Variants in CDH23 observed in about 807,000 individuals in gnomAD.
CDH23 encodes the protein cadherin related 23.
A neutral mutation model predicts 317.1 loss-of-function variants in CDH23; 189 were observed. The ratio of observed to expected loss-of-function variants is 0.60; its 90% CI spans 0.53 to 0.67. The LOEUF (loss-of-function observed/expected upper bound fraction) is 0.67. Ranked by LOEUF, CDH23 falls within the 30% of genes least tolerant of loss-of-function variation. The probability of loss-of-function intolerance (pLI) is 0.00; values close to 1 mark genes in which losing one functional copy is unlikely to be tolerated. For synonymous variants in CDH23, 1,839 were observed against 1,876.8 expected (o/e 0.98, Z 0.52); for missense variants, 4,401 against 4,592.4 (o/e 0.96, Z 1.20).
At chr10:71,417,628 G>A (rs1303326835) in intron 1 of CDH23, among the ~76,000 whole-genome samples, 1 of 151,516 alleles carries the variant, frequency 6.6e-6, no homozygotes, top group African/African-American at 2.4e-5. Flanking sequence ...CTTTTTCTTT[G>A]AGACAAGTTC....
intron 3 of CDH23, among the ~76,000 whole-genome samples, chr10:71,458,562 A>G (rs2132054001): frequency 6.6e-6 from 1 of 152,300 alleles, no homozygotes; most frequent in South Asian, 2.1e-4. Context: ...CATTGTTTTT[A>G]TTGAGCAATT....
intron 38 of CDH23, among the ~76,000 whole-genome samples, chr10:71,770,706 G>A (rs1840665669): frequency 6.6e-6 from 1 of 152,202 alleles, no homozygotes. Flanking sequence ...TACACTGTGT[G>A]CGGATAGGGA....
At chr10:71,757,824 C>T (rs1304626097) in intron 38 of CDH23, among the ~76,000 whole-genome samples, 1 of 152,180 alleles carries the variant, frequency 6.6e-6, no homozygotes, top group Non-Finnish European at 1.5e-5. Flanking sequence ...GCAGACAGCA[C>T]ATTCTGCTGC....
intron 8 of CDH23, among the ~76,000 whole-genome samples, chr10:71,571,295 G>A (rs552113189): frequency 3.2e-4 from 49 of 152,348 alleles, no homozygotes; most frequent in Admixed American, 8.5e-4. Flanking sequence ...TGTCTCTGCC[G>A]TGTCAGTCTG....
intron 37 of CDH23, among the ~76,000 whole-genome samples, chr10:71,741,383 T>A (rs1056971549): frequency 2.6e-5 from 4 of 152,276 alleles, no homozygotes; most frequent in African/African-American, 9.6e-5. Flanking sequence ...GCCCACTGAT[T>A]GGCTGTGTGG....
chr10:71,773,417 TCCAGGGCCGTGGGGACGC>T (rs1840735234), intron 38 of CDH23: 1 of 1,606,112 alleles, frequency 6.2e-7, no homozygotes, highest in African/African-American at 1.3e-5. Flanking sequence ...GCTGCCGGCC[TCCAGGGCCGTGGGGACGC>T]CCATGTCGCC....
At chr10:71,701,908 G>C (rs2132730732) in intron 22 of CDH23, 114 bp from the exon 23 acceptor site, 1 of 1,136,282 alleles carries the variant, frequency 8.8e-7, no homozygotes, top group African/African-American at 1.5e-5. Context: ...TCCTGGGCCA[G>C]AGCCAGGATG....
chr10:71,803,206 C>G lies in CDH23; in HGVS notation c.7661-3C>G. 6.2e-7 allele frequency: 1 copy of G among 1,607,926 alleles called. No homozygotes were observed. Among genetic ancestry groups the G allele is most frequent in the Non-Finnish European group, 8.5e-7 (1 of 1,176,770 alleles). ...AGAGCTACTCTCCTGCTCCCACTGC[C>G]AGAGGCCTTCCATGTGGACATGGAC... is the stretch of plus-strand genomic sequence containing the variant. On this transcript the variant is annotated splice_polypyrimidine_tract_variant and splice_region_variant and intron_variant, in intron 54 of 69. Coordinates refer to ENST00000224721, the MANE Select transcript of CDH23 (RefSeq NM_022124.6).
intron 17 of CDH23, among the ~76,000 whole-genome samples, chr10:71,680,372 T>A (rs1436002953): frequency 6.6e-6 from 1 of 152,242 alleles, no homozygotes; most frequent in African/African-American, 2.4e-5. Flanking sequence ...AAGGAATCGA[T>A]GTGCGTTGAG....
chr10:71,653,064 C>T (rs1162646567), intron 14 of CDH23, among the ~76,000 whole-genome samples: 1 of 152,144 alleles, frequency 6.6e-6, no homozygotes, highest in African/African-American at 2.4e-5. Context: ...TCTCAGCTCC[C>T]ATCTGGAAGT....
chr10:71,678,814 A>G (rs1193774649), intron 16 of CDH23, among the ~76,000 whole-genome samples: 2 of 152,022 alleles, frequency 1.3e-5, no homozygotes, highest in East Asian at 1.9e-4. Flanking sequence ...CTTTCATGCA[A>G]CATGCATGGA....
intron 11 of CDH23, among the ~76,000 whole-genome samples, chr10:71,623,876 C>T (rs1861584447): frequency 6.6e-6 from 1 of 152,114 alleles, no homozygotes; most frequent in Non-Finnish European, 1.5e-5. Flanking sequence ...CTTCCACTAC[C>T]ACACCTACCC....
Position 71,785,062 on chromosome 10 carries a change from G to A in CDH23, c.5674G>A (p.Ala1892Thr), listed in dbSNP as rs727505054. ...CNARLTFNIT[A>T]GNRERAFFIN... Reference sequence around the variant, plus strand: ...TGCACGCCTCACCTTCAACATCACTGCGGGCAACCGCGAGCGGGCCTTCTT... The same window carrying A: ...TGCACGCCTCACCTTCAACATCACTACGGGCAACCGCGAGCGGGCCTTCTT... Residue 1892 changes from alanine to threonine, a missense_variant, in exon 43 of 70, where the codon GCG (alanine) becomes ACG (threonine). Physicochemically the swap from Ala to Thr is moderately conservative, Grantham distance 58. Transcript: ENST00000224721. 2 of 1,614,090 alleles carry A rather than the reference G, an allele frequency of 1.2e-6. No individual in the cohort carries two copies. Among genetic ancestry groups the A allele is most frequent in the Non-Finnish European group, 1.7e-6 (2 of 1,179,906 alleles).
At chr10:71,732,943 A>C (rs1336464469) in intron 32 of CDH23, among the ~76,000 whole-genome samples, 4 of 152,032 alleles carry the variant, frequency 2.6e-5, no homozygotes, top group Non-Finnish European at 5.9e-5. Context: ...TCCCTCCCAC[A>C]CACCACGCAA....
chr10:71,756,162 T>C (rs1429872915), intron 38 of CDH23, among the ~76,000 whole-genome samples: 1 of 152,068 alleles, frequency 6.6e-6, no homozygotes, highest in Admixed American at 6.5e-5. Context: ...CCAAAAAAAG[T>C]ACAAGTTTAA....
Position 71,776,901 on chromosome 10 carries a change from G to A in CDH23, c.4846-779G>A, listed in dbSNP as rs183778060. ...CAGGGTAAGGCAGTTAGTCCACAGG[G>A]GACATCTTCCCAGGTGGAGAAAGGC... On this transcript the variant is annotated intron_variant, in intron 38 of 69. Transcript: ENST00000224721. 1.5e-3 allele frequency among the ~76,000 whole-genome samples: 228 copies of A among 152,354 alleles called. 1 individual carries two copies. The highest frequency in any genetic ancestry group is 5.3e-3 in the African/African-American group (222 of 41,578).
In CDH23 at chr10:71,549,522, CAG is replaced by C. The variant is rs555101173; in HGVS notation, c.430-17219_430-17218del. On this transcript the variant is annotated intron_variant, in intron 6 of 69. Coordinates refer to ENST00000224721, the MANE Select transcript of CDH23 (RefSeq NM_022124.6). ...GTCCTCCAGGGAAAGATGCTCTAAA[CAG>C]GGGTAACAAGCAGCAATTCAAATCA... 2.2e-4 allele frequency among the ~76,000 whole-genome samples: 33 copies of C among 152,304 alleles called. 1 individual carries two copies. The South Asian group carries it at 4.4e-3, about 20-fold the overall frequency.
chr10:71,779,578 C>T (rs1840901606), intron 41 of CDH23, 131 bp downstream of exon 41: 6 of 650,022 alleles, frequency 9.2e-6, no homozygotes. Flanking sequence ...GCCTCAGTTT[C>T]CCCATCTATG....
intron 3 of CDH23, among the ~76,000 whole-genome samples, chr10:71,477,067 C>G (rs1484116678): frequency 6.6e-6 from 1 of 152,212 alleles, no homozygotes; most frequent in Non-Finnish European, 1.5e-5. Context: ...CCAAGGCTCA[C>G]TTGGGAGGTC....
Sources: gnomAD v4.1 joint callset for allele counts (sites outside exome capture counted in the v4.1 genomes callset) on GRCh38, gnomAD v4.1.1 for gene constraint, MANE v1.5 for transcripts, NCBI Gene and HGNC (gene_info 2026-07-23, HGNC 2026-07-21) for gene names.